Variants in SMURF2 observed in about 807,000 individuals in gnomAD.
SMURF2 encodes SMAD specific E3 ubiquitin protein ligase 2, also known as E3 ubiquitin-protein ligase SMURF2.
In SMURF2, 48 loss-of-function variants were observed where a neutral mutation model predicts 109.6. The ratio of observed to expected loss-of-function variants is 0.44; its 90% CI spans 0.35 to 0.56. SMURF2 has a LOEUF of 0.56. Among genes scored for constraint, SMURF2 ranks in the 20% least tolerant of loss-of-function variants. SMURF2 has a pLI of 0.01. For synonymous variants in SMURF2, 288 were observed against 317.1 expected, an observed-to-expected ratio of 0.91 and a Z score of 0.97; for missense variants, 575 against 909.0, an observed-to-expected ratio of 0.63 and a Z score of 4.72.
At chr17:64,563,413 T>A (rs1319052905) in intron 10 of SMURF2, among the ~76,000 whole-genome samples, 1 of 152,184 alleles carries the variant, frequency 6.6e-6, no homozygotes, top group Non-Finnish European at 1.5e-5. Flanking sequence ...CTAAAACATA[T>A]GACCATACAA....
rs1487338596 is a variant in SMURF2 at position 64,543,870 on chromosome 17, T to C, written c.*1978A>G. ...GAACATTACTGATTATCAAATAGCA[T>C]AGAAACCACTTCCATACATTTCAAG... On this transcript the variant is annotated 3_prime_UTR_variant, in exon 19 of 19. Transcript: ENST00000262435. 3.9e-5 allele frequency: 6 copies of C among 152,114 alleles called. No homozygotes were observed. Among genetic ancestry groups the C allele is most frequent in the South Asian group, 4.1e-4 (2 of 4,830 alleles). The allele number at this position is 152,114 out of a possible 1,614,324, so 9.4% of individuals were successfully genotyped here. A position where few individuals can be genotyped will look rare whatever the true frequency, so the allele number is the denominator to read the frequency against.
At chr17:64,621,896 AATAAAT>A (rs2144696573) in intron 1 of SMURF2, among the ~76,000 whole-genome samples, 1 of 140,994 alleles carries the variant, frequency 7.1e-6, no homozygotes, top group East Asian at 2.0e-4. Flanking sequence ...TAAATAAATA[AATAAAT>A]AAATAATAAT....
intron 1 of SMURF2, among the ~76,000 whole-genome samples, chr17:64,630,261 A>C (rs1346745522): frequency 1.3e-5 from 2 of 152,124 alleles, no homozygotes; most frequent in Non-Finnish European, 2.9e-5. Flanking sequence ...AAGTTAATAC[A>C]AATTAAGTGG....
intron 9 of SMURF2, among the ~76,000 whole-genome samples, chr17:64,577,941 CTTTTTT>C (rs1157721982): frequency 3.4e-4 from 41 of 121,208 alleles, no homozygotes; most frequent in African/African-American, 1.2e-3. Context: ...TTTCATTCCA[CTTTTTT>C]TTTTTTTTTT....
At chr17:64,562,333 G>T (rs1460150382) in intron 11 of SMURF2, among the ~76,000 whole-genome samples, 1 of 136,614 alleles carries the variant, frequency 7.3e-6, no homozygotes, top group Non-Finnish European at 1.6e-5. Flanking sequence ...AGAAAAATTA[G>T]CACTCTCGGT....
intron 5 of SMURF2, among the ~76,000 whole-genome samples, chr17:64,586,382 C>T (rs368301449): frequency 1.3e-5 from 2 of 152,084 alleles, no homozygotes; most frequent in African/African-American, 2.4e-5. Context: ...CACTTTATTA[C>T]GTTCATGGAA....
At chr17:64,564,198 A>T (rs1448201831) in intron 10 of SMURF2, among the ~76,000 whole-genome samples, 2 of 152,238 alleles carry the variant, frequency 1.3e-5, no homozygotes, top group Non-Finnish European at 2.9e-5. Flanking sequence ...TATCTGTCAT[A>T]GCGAAAGACT....
Position 64,544,525 on chromosome 17 carries a change from C to A in SMURF2, c.*1323G>T, listed in dbSNP as rs181876901. ...ATTTCAGATTTTTTCAATCCCTCACCCCAGAGTTTTCGTTGCTTCTGGATC... is the reference window on the plus strand; with the variant it reads ...ATTTCAGATTTTTTCAATCCCTCACACCAGAGTTTTCGTTGCTTCTGGATC... On this transcript the variant is annotated 3_prime_UTR_variant, in exon 19 of 19. Transcript: ENST00000262435. 1 of 152,046 alleles carries A rather than the reference C, an allele frequency of 6.6e-6. No individual in the cohort carries two copies. Among genetic ancestry groups the A allele is most frequent in the Non-Finnish European group, 1.5e-5 (1 of 68,002 alleles). The allele number at this position is 152,046 out of a possible 1,614,324, so 9.4% of individuals were successfully genotyped here. A position where few individuals can be genotyped will look rare whatever the true frequency, so the allele number is the denominator to read the frequency against.
intron 7 of SMURF2, 145 bp downstream of exon 7, chr17:64,583,316 A>T: frequency 3.1e-6 from 2 of 649,058 alleles, no homozygotes; most frequent in East Asian, 5.4e-5. Context: ...CTTTTAAAAA[A>T]TAACAATGGC....
chr17:64,591,158 A>C lies in SMURF2; in HGVS notation c.335-9T>G. On this transcript the variant is annotated splice_polypyrimidine_tract_variant and intron_variant, in intron 4 of 18. Transcript: ENST00000262435. The stretch of plus-strand genomic sequence containing the variant: ...TAAATCCAACCTCTGATCTATTTGA[A>C]GTCAACAAAGAAAGCAACGAAAAAA... 1 of 1,611,048 alleles carries C rather than the reference A, an allele frequency of 6.2e-7. No homozygotes were observed. Among genetic ancestry groups the C allele is most frequent in the Non-Finnish European group, 8.5e-7 (1 of 1,178,700 alleles).
Position 64,661,813 on chromosome 17 carries a change from CG to C in SMURF2, c.52+15del, listed in dbSNP as rs1970781560. On this transcript the variant is annotated intron_variant, in intron 1 of 18. Coordinates refer to ENST00000262435, the MANE Select transcript of SMURF2 (RefSeq NM_022739.4). ...CACCCCGCGGCTGCCCAGCCCGGCC[CG>C]CCGCCCCCCCTCACCTGTCAGGCGC... 8.2e-7 allele frequency: 1 copy of C among 1,220,624 alleles called. No individual in the cohort carries two copies. The highest frequency in any genetic ancestry group is 1.6e-5 in the African/African-American group (1 of 63,838). The allele number at this position is 1,220,624 out of a possible 1,614,324, so 75.6% of individuals were successfully genotyped here.
rs1298092435 is a variant in SMURF2 at position 64,577,675 on chromosome 17, A to G, written c.857+817T>C. Among the ~76,000 whole-genome samples, 5 of 151,178 alleles carry G rather than the reference A, an allele frequency of 3.3e-5. No individual in the cohort carries two copies. In the East Asian group the frequency reaches 7.8e-4, roughly 23 times the overall value. On this transcript the variant is annotated intron_variant, in intron 9 of 18. Coordinates refer to ENST00000262435, the MANE Select transcript of SMURF2 (RefSeq NM_022739.4). Reference sequence around the variant, plus strand: ...CTGTAGCACGACCAAGGCTCACTGCAGCTTCAACCTCCATGGCTCAAGCAA... The same window carrying G: ...CTGTAGCACGACCAAGGCTCACTGCGGCTTCAACCTCCATGGCTCAAGCAA...
chr17:64,603,328 T>A (rs1555688739), intron 2 of SMURF2, among the ~76,000 whole-genome samples: 1 of 152,106 alleles, frequency 6.6e-6, no homozygotes, highest in African/African-American at 2.4e-5. Context: ...ATGCCTGTAA[T>A]CCTAGCACTT....
At position 64,567,464 on chromosome 17, in the gene SMURF2, T is replaced by C. The variant is rs190299329; in HGVS notation, c.1016+4334A>G. On this transcript the variant is annotated intron_variant, in intron 10 of 18. Coordinates refer to ENST00000262435, the MANE Select transcript of SMURF2 (RefSeq NM_022739.4). Reference sequence around the variant, plus strand: ...TATTCCTTCAGAACATTATTTTTCATTCAGTTATTTAATACAACTAACTAT... The same window carrying C: ...TATTCCTTCAGAACATTATTTTTCACTCAGTTATTTAATACAACTAACTAT... 6.0e-4 allele frequency among the ~76,000 whole-genome samples: 92 copies of C among 152,346 alleles called. 1 individual carries two copies. The Middle Eastern group carries it at 0.014, about 23-fold the overall frequency.
At chr17:64,642,099 G>A (rs1555692604) in intron 1 of SMURF2, among the ~76,000 whole-genome samples, 1 of 152,164 alleles carries the variant, frequency 6.6e-6, no homozygotes, top group African/African-American at 2.4e-5. Flanking sequence ...GAGCCATCAC[G>A]CCCGGCCCTA....
chr17:64,603,498 C>T (rs1235159884), intron 2 of SMURF2, among the ~76,000 whole-genome samples: 2 of 150,886 alleles, frequency 1.3e-5, no homozygotes, highest in African/African-American at 4.9e-5. Context: ...AGGAGAATTG[C>T]TTGAACACGG....
In SMURF2 at chr17:64,566,573, T is replaced by TTTTTG. The variant is rs1555684995; in HGVS notation, c.1017-3608_1017-3607insCAAAA. Among the ~76,000 whole-genome samples the TTTTTG allele has an allele frequency of 2.3e-3, 233 of 100,922 alleles. 14 individuals are homozygous for TTTTTG. Among genetic ancestry groups the TTTTTG allele is most frequent in the Middle Eastern group, 4.2e-3 (1 of 236 alleles). 66.2% of individuals were successfully genotyped at this position (100,922 alleles called of 152,430 possible). The stretch of plus-strand genomic sequence containing the variant: ...CTTAAGCTTTCTGGTTTTTTTTTTT[T>TTTTTG]TTTTTTTTTTTTTTTTTTGAGACAG... On this transcript the variant is annotated intron_variant, in intron 10 of 18. Coordinates refer to ENST00000262435, the MANE Select transcript of SMURF2 (RefSeq NM_022739.4).
At chr17:64,584,498 A>T (rs1555686884) in intron 6 of SMURF2, among the ~76,000 whole-genome samples, 2 of 151,024 alleles carry the variant, frequency 1.3e-5, no homozygotes, top group Admixed American at 6.6e-5. Flanking sequence ...AGCTGGGACT[A>T]CAGGTGCACA....
At chr17:64,561,943 T>A (rs1969226027) in intron 11 of SMURF2, among the ~76,000 whole-genome samples, 1 of 152,172 alleles carries the variant, frequency 6.6e-6, no homozygotes, top group East Asian at 1.9e-4. Flanking sequence ...AAGGCTACAG[T>A]GAGCTATGAT....
Sources: allele counts gnomAD v4.1 joint callset (sites outside exome capture counted in the v4.1 genomes callset), GRCh38; gene constraint gnomAD v4.1.1; transcripts MANE v1.5; gene names NCBI Gene and HGNC (gene_info 2026-07-23, HGNC 2026-07-21).